RAP1A: variants seen among roughly 807,000 people sequenced by gnomAD.
RAP1A encodes ras-related protein Rap-1A.
Under a neutral mutation model 26.4 loss-of-function variants are expected in RAP1A, and 6 were observed. That is an observed-to-expected ratio of 0.23 (90% CI 0.12 to 0.45). RAP1A has a LOEUF of 0.45. Ranked by LOEUF, RAP1A falls within the 20% of genes least tolerant of loss-of-function variation. RAP1A has a pLI of 0.99. For synonymous variants in RAP1A, 73 were observed against 79.4 expected (o/e 0.92, Z 0.43); for missense variants, 121 against 217.2 (o/e 0.56, Z 2.78).
intron 1 of RAP1A, among the ~76,000 whole-genome samples, chr1:111,581,805 A>C (rs149904516): frequency 6.6e-6 from 1 of 152,364 alleles, no homozygotes; most frequent in Non-Finnish European, 1.5e-5. Context: ...AAGCCTTGGA[A>C]GATGGGAATA....
At chr1:111,643,061 C>T (rs1052224244) in intron 1 of RAP1A, among the ~76,000 whole-genome samples, 28 of 152,228 alleles carry the variant, frequency 1.8e-4, no homozygotes, top group Admixed American at 1.1e-3. Flanking sequence ...TGAGCCACTG[C>T]GCCCGGCCAG....
intron 1 of RAP1A, among the ~76,000 whole-genome samples, chr1:111,648,071 TTTTA>T (rs1202008231): frequency 6.6e-6 from 1 of 152,052 alleles, no homozygotes; most frequent in African/African-American, 2.4e-5. Flanking sequence ...ATTTTTTAAA[TTTTA>T]TTTATTTATT....
At chr1:111,606,271 CT>C (rs768149591) in intron 1 of RAP1A, among the ~76,000 whole-genome samples, 14 of 152,118 alleles carry the variant, frequency 9.2e-5, no homozygotes, top group Non-Finnish European at 1.5e-4. Flanking sequence ...AAAATGCCCC[CT>C]AAGGGAATTC....
At chr1:111,677,931 A>G (rs1208057740) in intron 1 of RAP1A, among the ~76,000 whole-genome samples, 2 of 152,204 alleles carry the variant, frequency 1.3e-5, no homozygotes, top group African/African-American at 4.8e-5. Flanking sequence ...GGGTGTCACA[A>G]TATACCTTTA....
At chr1:111,624,915 G>T (rs975355751) in intron 1 of RAP1A, among the ~76,000 whole-genome samples, 1 of 151,712 alleles carries the variant, frequency 6.6e-6, no homozygotes, top group Admixed American at 6.6e-5. Context: ...ATAAATTTAG[G>T]TTAGATAAAT....
intron 1 of RAP1A, among the ~76,000 whole-genome samples, chr1:111,564,981 C>G (rs1054744615): frequency 1.4e-4 from 22 of 152,064 alleles, no homozygotes; most frequent in Non-Finnish European, 1.9e-4. Flanking sequence ...GAAAAATAAA[C>G]TTAGGAAATT....
At chr1:111,628,266 A>C (rs920246394) in intron 1 of RAP1A, among the ~76,000 whole-genome samples, 1 of 152,202 alleles carries the variant, frequency 6.6e-6, no homozygotes, top group Non-Finnish European at 1.5e-5. Context: ...TGTTTACATG[A>C]ATAAATACTG....
intron 1 of RAP1A, among the ~76,000 whole-genome samples, chr1:111,608,883 G>A (rs971571048): frequency 5.3e-5 from 8 of 152,222 alleles, no homozygotes; most frequent in African/African-American, 1.9e-4. Context: ...CATCGGGAGA[G>A]GGAGAGGGAG....
At chr1:111,543,497 A>G (rs1656922247) in intron 1 of RAP1A, among the ~76,000 whole-genome samples, 1 of 152,198 alleles carries the variant, frequency 6.6e-6, no homozygotes, top group African/African-American at 2.4e-5. Flanking sequence ...CTCCCAATGG[A>G]GAGTATTCAC....
intron 4 of RAP1A, among the ~76,000 whole-genome samples, chr1:111,702,423 T>C (rs1468328518): frequency 6.6e-6 from 1 of 152,182 alleles, no homozygotes; most frequent in Non-Finnish European, 1.5e-5. Context: ...AATTAAGTAA[T>C]TTTAATTTGG....
At chr1:111,659,122 A>G (rs1660554134) in intron 1 of RAP1A, among the ~76,000 whole-genome samples, 1 of 152,120 alleles carries the variant, frequency 6.6e-6, no homozygotes, top group South Asian at 2.1e-4. Context: ...TAATCTCTGT[A>G]CAGTAGTCCC....
chr1:111,612,534 C>T (rs115329100), intron 1 of RAP1A, among the ~76,000 whole-genome samples: 3,501 of 152,300 alleles, frequency 0.023, 50 homozygotes, highest in South Asian at 0.07. Context: ...ACAATATGCA[C>T]CTGCCTGTAT....
At chr1:111,606,876 T>C (rs1413967927) in intron 1 of RAP1A, among the ~76,000 whole-genome samples, 2 of 152,228 alleles carry the variant, frequency 1.3e-5, no homozygotes, top group African/African-American at 4.8e-5. Context: ...GAATGTAGTT[T>C]GTAAAACAGG....
chr1:111,622,812 G>A, intron 1 of RAP1A, among the ~76,000 whole-genome samples: 1 of 152,186 alleles, frequency 6.6e-6, no homozygotes, highest in East Asian at 1.9e-4. Context: ...ATACAGAGAT[G>A]AATTAGACAG....
intron 1 of RAP1A, among the ~76,000 whole-genome samples, chr1:111,642,786 C>CTTTT (rs11414021): frequency 1.7e-5 from 2 of 119,490 alleles, no homozygotes; most frequent in Non-Finnish European, 3.4e-5. Flanking sequence ...CGTGCCCAGC[C>CTTTT]TTTTTTTTTT....
At chr1:111,619,403 A>G (rs979573757), upstream of RAP1A, among the ~76,000 whole-genome samples, 1 of 152,146 alleles carries the variant, frequency 6.6e-6, no homozygotes, top group African/African-American at 2.4e-5. Context: ...CCAGCATGCA[A>G]GCTGCAAGAG....
chr1:111,581,161 G>A (rs1658250831), intron 1 of RAP1A, among the ~76,000 whole-genome samples: 1 of 151,638 alleles, frequency 6.6e-6, no homozygotes. Flanking sequence ...GACGGTAAAT[G>A]CAGTCTGTAC....
chr1:111,660,313 C>G (rs554934227), intron 1 of RAP1A, among the ~76,000 whole-genome samples: 2 of 152,192 alleles, frequency 1.3e-5, no homozygotes, highest in Non-Finnish European at 2.9e-5. Flanking sequence ...TGTTTTCCCC[C>G]CCTCTGGCTT....
In RAP1A at chr1:111,633,711, C is replaced by G. The variant is rs1004694459; in HGVS notation, c.-28+13777C>G. ...TGAATTTTAAATTACTGTTTAATAA[C>G]TTCTGACTAGTATTTCACTCAAGTG... On this transcript the variant is annotated intron_variant, in intron 1 of 7. Coordinates refer to ENST00000369709, the MANE Select transcript of RAP1A (RefSeq NM_002884.4). Among the ~76,000 whole-genome samples, 15 of 152,302 alleles carry G rather than the reference C, an allele frequency of 9.8e-5. No individual in the cohort carries two copies. The East Asian group carries it at 1.2e-3, about 12-fold the overall frequency.
Sources: allele counts gnomAD v4.1 joint callset (sites outside exome capture counted in the v4.1 genomes callset), GRCh38; gene constraint gnomAD v4.1.1; transcripts MANE v1.5; gene names NCBI Gene and HGNC (gene_info 2026-07-23, HGNC 2026-07-21).